The following ACCSL variants were observed in gnomAD, a reference collection of about 807,000 sequenced individuals.
ACCSL encodes 1-aminocyclopropane-1-carboxylate synthase homolog (inactive) like.
In ACCSL, 55 loss-of-function variants were observed where a neutral mutation model predicts 61.7. The ratio of observed to expected loss-of-function variants is 0.89; its 90% CI spans 0.72 to 1.12. The LOEUF is 1.12. ACCSL is among the 50% of genes most tolerant of loss of function. ACCSL has a pLI of 0.00. For synonymous variants in ACCSL, 258 were observed against 264.3 expected (o/e 0.98, Z 0.23); for missense variants, 632 against 698.0 (o/e 0.91, Z 1.07).
chr11:44,011,959 GTATT>G, the ACCSL span, among the ~76,000 whole-genome samples: 1 of 152,182 alleles, frequency 6.6e-6, no homozygotes, highest in Non-Finnish European at 1.5e-5. Context: ...ATACTGCTAA[GTATT>G]TGTGTAATGA....
chr11:43,921,835 C>T, the ACCSL span, among the ~76,000 whole-genome samples: 3 of 152,190 alleles, frequency 2.0e-5, no homozygotes, highest in African/African-American at 4.8e-5. Context: ...TTCTTGCTGT[C>T]ACTCCAGATA....
At chr11:43,951,336 CCTGG>C in the ACCSL span, among the ~76,000 whole-genome samples, 1 of 152,202 alleles carries the variant, frequency 6.6e-6, no homozygotes, top group Non-Finnish European at 1.5e-5. Context: ...AAGCTCCAGC[CCTGG>C]AGCCAGGCTA....
the ACCSL span, among the ~76,000 whole-genome samples, chr11:43,934,530 C>T: frequency 6.6e-6 from 1 of 152,158 alleles, no homozygotes; most frequent in Non-Finnish European, 1.5e-5. Context: ...CCAAACACAC[C>T]CAAAGTGTAG....
At chr11:44,049,669 C>T (rs960439231) in intron 1 of ACCSL, among the ~76,000 whole-genome samples, 8 of 152,088 alleles carry the variant, frequency 5.3e-5, no homozygotes, top group African/African-American at 7.2e-5. Flanking sequence ...CAGGCTCAGG[C>T]GTCAGGTAGG....
At chr11:43,965,407 A>C in the ACCSL span, among the ~76,000 whole-genome samples, 1 of 152,212 alleles carries the variant, frequency 6.6e-6, no homozygotes, top group Non-Finnish European at 1.5e-5. Context: ...TGGTTGTAAG[A>C]CTTGTACACC....
At chr11:44,046,898 G>T (rs761360170), upstream of ACCSL, among the ~76,000 whole-genome samples, 4 of 151,950 alleles carry the variant, frequency 2.6e-5, no homozygotes, top group African/African-American at 9.7e-5. Context: ...TTTTGGTCTC[G>T]TTCAGTATTT....
the ACCSL span, among the ~76,000 whole-genome samples, chr11:43,934,912 C>G: frequency 6.6e-6 from 1 of 152,150 alleles, no homozygotes; most frequent in Non-Finnish European, 1.5e-5. Context: ...TTTTAAAATC[C>G]CAGCTCTGCC....
the ACCSL span, among the ~76,000 whole-genome samples, chr11:43,998,270 C>T: frequency 1.3e-5 from 2 of 152,208 alleles, no homozygotes; most frequent in Non-Finnish European, 2.9e-5. Context: ...TTCCTGAACT[C>T]CTGGAGGGCG....
At chr11:43,929,371 C>T in the ACCSL span, among the ~76,000 whole-genome samples, 1 of 152,052 alleles carries the variant, frequency 6.6e-6, no homozygotes, top group Non-Finnish European at 1.5e-5. Flanking sequence ...AGGCACATGC[C>T]ATCATGCGCA....
At chr11:44,045,495 A>G (rs1049595025), upstream of ACCSL, among the ~76,000 whole-genome samples, 2 of 152,164 alleles carry the variant, frequency 1.3e-5, no homozygotes, top group Non-Finnish European at 2.9e-5. Flanking sequence ...AGGAAAACGC[A>G]TTACTTTCAG....
chr11:43,991,884 T>C, the ACCSL span, among the ~76,000 whole-genome samples: 1 of 152,020 alleles, frequency 6.6e-6, no homozygotes, highest in African/African-American at 2.4e-5. Flanking sequence ...ACCCCAAGTG[T>C]CTCATTGCTC....
chr11:43,968,718 G>A, the ACCSL span, among the ~76,000 whole-genome samples: 12 of 152,302 alleles, frequency 7.9e-5, no homozygotes, highest in South Asian at 2.1e-3. Context: ...ACTTAGTGCT[G>A]AGATTTCTTC....
the ACCSL span, among the ~76,000 whole-genome samples, chr11:44,000,781 T>A: frequency 6.7e-6 from 1 of 149,228 alleles, no homozygotes; most frequent in Non-Finnish European, 1.5e-5. Flanking sequence ...AAATAAAGTA[T>A]ATGGGAGGAT....
the ACCSL span, among the ~76,000 whole-genome samples, chr11:44,017,203 G>T: frequency 6.6e-6 from 1 of 152,178 alleles, no homozygotes; most frequent in Non-Finnish European, 1.5e-5. Context: ...TTCCAGGATG[G>T]CTTCCAGGAG....
Position 44,059,926 on chromosome 11 carries a change from C to A in ACCSL, c.*6C>A. ...AGGATGCAATGAGGGAGTAGGCCGT[C>A]TGCCTCCCAACCAGCAGTTCCAGCC... On this transcript the variant is annotated 3_prime_UTR_variant, in exon 14 of 14. Transcript: ENST00000378832. The A allele has an allele frequency of 6.2e-7, 1 of 1,613,172 alleles. No homozygotes were observed. Among genetic ancestry groups the A allele is most frequent in the South Asian group, 1.1e-5 (1 of 90,994 alleles).
chr11:43,970,183 G>T, the ACCSL span, among the ~76,000 whole-genome samples: 1 of 151,962 alleles, frequency 6.6e-6, no homozygotes, highest in East Asian at 1.9e-4. Context: ...TGGGAGGATC[G>T]CTCGAGTGAT....
the ACCSL span, among the ~76,000 whole-genome samples, chr11:43,928,952 T>G: frequency 9.2e-5 from 14 of 152,184 alleles, no homozygotes; most frequent in Non-Finnish European, 1.5e-5. Flanking sequence ...TCCAAGATGC[T>G]TCAGAGGAAA....
At chr11:43,986,483 C>A in the ACCSL span, among the ~76,000 whole-genome samples, 4 of 152,172 alleles carry the variant, frequency 2.6e-5, no homozygotes, top group Non-Finnish European at 5.9e-5. Context: ...CCTCACAGAC[C>A]TCTCCCGGGG....
At chr11:43,948,860 A>G in the ACCSL span, among the ~76,000 whole-genome samples, 4 of 152,272 alleles carry the variant, frequency 2.6e-5, no homozygotes, top group South Asian at 8.3e-4. Context: ...CTGGGTTTGA[A>G]TCTATTGCCT....
Sources: gnomAD v4.1 joint callset for allele counts (sites outside exome capture counted in the v4.1 genomes callset) on GRCh38, gnomAD v4.1.1 for gene constraint, MANE v1.5 for transcripts, NCBI Gene and HGNC (gene_info 2026-07-23, HGNC 2026-07-21) for gene names.